The following FSTL5 variants were observed in gnomAD, a reference collection of about 807,000 sequenced individuals.
The protein encoded by FSTL5 is follistatin-related protein 5.
Under a neutral mutation model 89.1 loss-of-function variants are expected in FSTL5, and 62 were observed. The ratio of observed to expected loss-of-function variants is 0.70; its 90% CI spans 0.57 to 0.86. FSTL5 has a LOEUF of 0.86. Ranked by LOEUF, FSTL5 falls within the 40% of genes least tolerant of loss-of-function variation. FSTL5 has a pLI of 0.00. For synonymous variants in FSTL5, 383 were observed against 346.2 expected, an observed-to-expected ratio of 1.11 and a Z score of -1.18; for missense variants, 1,057 against 1,001.6, an observed-to-expected ratio of 1.06 and a Z score of -0.75.
intron 6 of FSTL5, 106 bp from the exon 7 acceptor site, chr4:161,656,600 G>C: frequency 1.7e-6 from 1 of 590,626 alleles, no homozygotes; most frequent in Non-Finnish European, 2.6e-6. Context: ...TTGAATAAAA[G>C]GGAAAAAAGC....
chr4:161,552,731 G>T (rs911861310), intron 8 of FSTL5, among the ~76,000 whole-genome samples: 1 of 151,680 alleles, frequency 6.6e-6, no homozygotes, highest in Non-Finnish European at 1.5e-5. Context: ...TTTCTGAAAA[G>T]TGTCTCTTAA....
In FSTL5 at chr4:161,528,593, C is replaced by T. The variant is rs1269396621; in HGVS notation, c.1312+9573G>A. On this transcript the variant is annotated intron_variant, in intron 10 of 15. Transcript: ENST00000306100. ...CTTCACAAAACTTTGAGAAAACACC[C>T]CACTTCAGCCCCTTACCCCAGAGTT... Among the ~76,000 whole-genome samples, 3 of 142,750 alleles carry T rather than the reference C, an allele frequency of 2.1e-5. 1 individual carries two copies. The highest frequency in any genetic ancestry group is 7.5e-5 in the African/African-American group (3 of 39,808). 93.6% of individuals were successfully genotyped at this position (142,750 alleles called of 152,430 possible).
chr4:161,908,062 T>C (rs978894041), intron 4 of FSTL5, among the ~76,000 whole-genome samples: 11 of 152,034 alleles, frequency 7.2e-5, no homozygotes, highest in South Asian at 4.1e-4. Flanking sequence ...TGTTTTGACA[T>C]AGAATGATTT....
At chr4:161,656,877 G>A (rs1578999684) in intron 6 of FSTL5, among the ~76,000 whole-genome samples, 1 of 132,870 alleles carries the variant, frequency 7.5e-6, no homozygotes, top group Admixed American at 7.7e-5. Context: ...TAGGTTAGGT[G>A]AGATCACTGC....
At chr4:162,079,305 G>A (rs970205930) in intron 2 of FSTL5, among the ~76,000 whole-genome samples, 1 of 151,652 alleles carries the variant, frequency 6.6e-6, no homozygotes, top group African/African-American at 2.4e-5. Context: ...ATGTCTACAT[G>A]TCTATTTCTG....
chr4:161,867,839 T>A (rs1553973646), intron 4 of FSTL5, among the ~76,000 whole-genome samples: 1 of 151,836 alleles, frequency 6.6e-6, no homozygotes, highest in Non-Finnish European at 1.5e-5. Context: ...ACATCTAAGA[T>A]GGTCATCAAT....
chr4:161,804,455 C>T (rs1041986763), intron 4 of FSTL5, among the ~76,000 whole-genome samples: 2 of 151,840 alleles, frequency 1.3e-5, no homozygotes, highest in African/African-American at 4.8e-5. Context: ...TCCAGTTAAA[C>T]ACTGATGTTC....
intron 4 of FSTL5, among the ~76,000 whole-genome samples, chr4:161,886,193 A>G (rs1203373400): frequency 6.6e-6 from 1 of 152,180 alleles, no homozygotes; most frequent in African/African-American, 2.4e-5. Flanking sequence ...CCTAGGGAGC[A>G]GCTTCCTGTG....
At chr4:161,881,644 T>C (rs1732637925) in intron 4 of FSTL5, among the ~76,000 whole-genome samples, 1 of 152,076 alleles carries the variant, frequency 6.6e-6, no homozygotes, top group Non-Finnish European at 1.5e-5. Context: ...GAAAGTGCAT[T>C]CTACTAATAA....
intron 2 of FSTL5, among the ~76,000 whole-genome samples, chr4:162,074,047 T>C (rs1729735373): frequency 6.6e-6 from 1 of 151,798 alleles, no homozygotes; most frequent in Non-Finnish European, 1.5e-5. Context: ...GAAATTAAAT[T>C]AGTTCAGCAC....
chr4:161,974,423 A>T (rs1187812616), intron 3 of FSTL5, among the ~76,000 whole-genome samples: 24 of 143,016 alleles, frequency 1.7e-4, no homozygotes, highest in African/African-American at 4.9e-4. Context: ...AATGGAACAG[A>T]ACAGAGCCCT....
chr4:161,699,310 G>T (rs942279984), intron 6 of FSTL5, among the ~76,000 whole-genome samples: 2 of 152,040 alleles, frequency 1.3e-5, no homozygotes, highest in Admixed American at 6.6e-5. Context: ...CATGCAAATG[G>T]CTATAGAAAT....
intron 8 of FSTL5, among the ~76,000 whole-genome samples, chr4:161,564,701 T>C (rs558614560): frequency 6.6e-6 from 1 of 151,642 alleles, no homozygotes; most frequent in South Asian, 2.1e-4. Flanking sequence ...AACTTTTAGA[T>C]ACTTCCAAAG....
chr4:161,813,090 A>G (rs112791494), intron 4 of FSTL5, among the ~76,000 whole-genome samples: 1 of 151,116 alleles, frequency 6.6e-6, no homozygotes, highest in Non-Finnish European at 1.5e-5. Context: ...GCAGTGACGC[A>G]ATCTCGGCTA....
intron 12 of FSTL5, among the ~76,000 whole-genome samples, chr4:161,487,728 G>C (rs140724327): frequency 6.6e-6 from 1 of 151,656 alleles, no homozygotes; most frequent in Admixed American, 6.6e-5. Context: ...ATTTTTAACC[G>C]AACCTGTCAC....
intron 7 of FSTL5, among the ~76,000 whole-genome samples, chr4:161,598,865 A>G (rs1274156567): frequency 6.6e-6 from 1 of 152,174 alleles, no homozygotes; most frequent in Non-Finnish European, 1.5e-5. Flanking sequence ...TGTAAAAGAC[A>G]GAACTTTAAA....
chr4:162,158,670 G>A (rs1733576867), intron 1 of FSTL5, among the ~76,000 whole-genome samples: 1 of 151,928 alleles, frequency 6.6e-6, no homozygotes, highest in South Asian at 2.1e-4. Flanking sequence ...GAGATTTGAT[G>A]TGAATTTCTG....
At chr4:161,422,295 G>A (rs1483796064) in intron 15 of FSTL5, among the ~76,000 whole-genome samples, 1 of 152,002 alleles carries the variant, frequency 6.6e-6, no homozygotes, top group Non-Finnish European at 1.5e-5. Flanking sequence ...CCAGTAGATT[G>A]CCTAGCACAA....
At position 161,603,339 on chromosome 4, in the gene FSTL5, G is replaced by A. The variant is rs80026919; in HGVS notation, c.895-15764C>T. Among the ~76,000 whole-genome samples, 69 of 152,244 alleles carry A rather than the reference G, an allele frequency of 4.5e-4. No individual in the cohort carries two copies. In the East Asian group the frequency reaches 0.012, roughly 27 times the overall value. On this transcript the variant is annotated intron_variant, in intron 7 of 15. Coordinates refer to ENST00000306100, the MANE Select transcript of FSTL5 (RefSeq NM_020116.5). ...TTTAGTAAGTGTGCAATAGCATTAC[G>A]TTTAAAAATAAGGATGGAGTCCCAA... is the stretch of plus-strand genomic sequence containing the variant.
Sources: allele counts gnomAD v4.1 joint callset (sites outside exome capture counted in the v4.1 genomes callset), GRCh38; gene constraint gnomAD v4.1.1; transcripts MANE v1.5; gene names NCBI Gene and HGNC (gene_info 2026-07-23, HGNC 2026-07-21).